PCDHGA7: variants seen among roughly 807,000 people sequenced by gnomAD.
PCDHGA7 encodes protocadherin gamma-A7.
A neutral mutation model predicts 58.3 loss-of-function variants in PCDHGA7; 44 were observed. The ratio of observed to expected loss-of-function variants is 0.75; its 90% CI spans 0.59 to 0.97. The LOEUF (loss-of-function observed/expected upper bound fraction) is 0.97, where lower values mean the gene tolerates loss of function less well. PCDHGA7 is among the 50% of genes least tolerant of loss of function. The probability of loss-of-function intolerance (pLI) is 0.00; values close to 1 mark genes in which losing one functional copy is unlikely to be tolerated. For synonymous variants in PCDHGA7, 516 were observed against 504.2 expected, an observed-to-expected ratio of 1.02 and a Z score of -0.31; for missense variants, 1,266 against 1,188.7, an observed-to-expected ratio of 1.06 and a Z score of -0.96.
chr5:141,478,137 G>A (rs762316494), intron 1 of PCDHGA7: 13 of 1,613,872 alleles, frequency 8.1e-6, no homozygotes, highest in African/African-American at 8.0e-5. Context: ...CCTGAAGCCC[G>A]AGCCGAGTTC....
rs1779137475 is a variant in PCDHGA7 at position 141,383,445 on chromosome 5, G to T, written c.546G>T (p.Val182=). 6.2e-7 allele frequency: 1 copy of T among 1,613,958 alleles called. No individual in the cohort carries two copies. Among genetic ancestry groups the T allele is most frequent in the East Asian group, 2.2e-5 (1 of 44,880 alleles). ...LSPNRHFSLA[V]QSGDDETKYP... is the part of the protein sequence containing the mutation. ...CCAATCGCCACTTCTCCCTGGCTGTGCAAAGTGGAGACGATGAAACTAAGT... is the reference window on the plus strand; with the variant it reads ...CCAATCGCCACTTCTCCCTGGCTGTTCAAAGTGGAGACGATGAAACTAAGT... Residue 182 remains valine, a synonymous_variant, in exon 1 of 4, where the codon GTG becomes GTT. Coordinates refer to ENST00000518325, the MANE Select transcript of PCDHGA7 (RefSeq NM_018920.4).
chr5:141,432,615 T>G lies in PCDHGA7; in HGVS notation c.2424+47292T>G. ...GCCAGCGAGCCGGGACTCTTCTCGG[T>G]GGGTCTGCACACGGGCGAGGTGCGC... On this transcript the variant is annotated intron_variant, in intron 1 of 3. Coordinates refer to ENST00000518325, the MANE Select transcript of PCDHGA7 (RefSeq NM_018920.4). The surrounding 1 kb of genome is among the most constrained non-coding windows in gnomAD (Gnocchi z 6.0). The G allele has an allele frequency of 2.5e-6, 4 of 1,613,820 alleles. No homozygotes were observed. The highest frequency in any genetic ancestry group is 1.1e-5 in the South Asian group (1 of 91,054).
chr5:141,510,633 TACCA>T (rs2099882032), intron 3 of PCDHGA7, among the ~76,000 whole-genome samples: 1 of 152,110 alleles, frequency 6.6e-6, no homozygotes, highest in Admixed American at 6.6e-5. Flanking sequence ...AAGAGGTGGT[TACCA>T]TTATCATCCC....
chr5:141,423,757 G>GGC, intron 1 of PCDHGA7: 1 of 395,122 alleles, frequency 2.5e-6, no homozygotes, highest in East Asian at 1.5e-4. Context: ...GTTTGGGGGG[G>GGC]GGGTGGGGCG....
chr5:141,415,772 T>TC, intron 1 of PCDHGA7: 1 of 1,332,986 alleles, frequency 7.5e-7, no homozygotes. Context: ...TTTTTTTTTT[T>TC]ACTTTCTGGT....
intron 1 of PCDHGA7, among the ~76,000 whole-genome samples, chr5:141,470,896 T>C (rs1370454369): frequency 6.6e-6 from 1 of 151,980 alleles, no homozygotes; most frequent in Non-Finnish European, 1.5e-5. Context: ...TTTTGTTTTT[T>C]GTAGAGATGG....
intron 1 of PCDHGA7, chr5:141,424,602 T>G (rs2154550827): frequency 6.6e-6 from 1 of 152,334 alleles, no homozygotes; most frequent in African/African-American, 2.4e-5. Flanking sequence ...GTCTACAGAT[T>G]TATTCAAATA....
rs1317111249 is a variant in PCDHGA7, at chr5:141,413,333, C to A, written c.2424+28010C>A. 3.1e-6 allele frequency: 5 copies of A among 1,613,966 alleles called. No individual in the cohort carries two copies. The Admixed American group carries it at 6.7e-5, about 22-fold the overall frequency. On this transcript the variant is annotated intron_variant, in intron 1 of 3. Coordinates refer to ENST00000518325, the MANE Select transcript of PCDHGA7 (RefSeq NM_018920.4). ...AAAGGCTCTTTCGTGGGCAACATCTCCAAGGACTTGGGTCTGGCGCCCCGG... is the reference window on the plus strand; with the variant it reads ...AAAGGCTCTTTCGTGGGCAACATCTACAAGGACTTGGGTCTGGCGCCCCGG...
chr5:141,489,425 G>T lies in PCDHGA7; in HGVS notation c.2425-5382G>T, dbSNP rs779739693. 6.2e-7 allele frequency: 1 copy of T among 1,614,118 alleles called. No homozygotes were observed. The highest frequency in any genetic ancestry group is 8.5e-7 in the Non-Finnish European group (1 of 1,180,030). The stretch of plus-strand genomic sequence containing the variant: ...TTAAAGATGACAGATCTGTTGAGCC[G>T]GCGGCTGCAATTGGGCTCTGAGGAG... On this transcript the variant is annotated intron_variant, in intron 1 of 3. Transcript: ENST00000518325. This position sits in a 1 kb window ranked among gnomAD's most constrained non-coding sequence, Gnocchi z 4.5.
chr5:141,414,306 T>A lies in PCDHGA7; in HGVS notation c.2424+28983T>A, dbSNP rs778408885. The A allele has an allele frequency of 6.2e-6, 10 of 1,613,584 alleles. No homozygotes were observed. The Admixed American group carries it at 1.2e-4, about 19-fold the overall frequency. Reference sequence around the variant, plus strand: ...TCGTAGCCCTTTTAAATGTGCATGATTTAGACTCTGAGCAGAATGGACAGG... The same window carrying A: ...TCGTAGCCCTTTTAAATGTGCATGAATTAGACTCTGAGCAGAATGGACAGG... On this transcript the variant is annotated intron_variant, in intron 1 of 3. Coordinates refer to ENST00000518325, the MANE Select transcript of PCDHGA7 (RefSeq NM_018920.4).
At chr5:141,398,450 C>T in intron 1 of PCDHGA7, 1 of 1,574,388 alleles carries the variant, frequency 6.4e-7, no homozygotes, top group East Asian at 2.2e-5. Flanking sequence ...GAATTTGAGG[C>T]TGTTGCTGAA....
Position 141,485,550 on chromosome 5 carries a change from TG to T in PCDHGA7, c.2425-9256del. On this transcript the variant is annotated intron_variant, in intron 1 of 3. Coordinates refer to ENST00000518325, the MANE Select transcript of PCDHGA7 (RefSeq NM_018920.4). The surrounding 1 kb of genome is among the most constrained non-coding windows in gnomAD (Gnocchi z 5.7). ...CGAGCAGAGGTAGAGATCGTAGATGTGAATGATCACGCCCCCCGTTTTCCGC... is the reference window on the plus strand; with the variant it reads ...CGAGCAGAGGTAGAGATCGTAGATGTAATGATCACGCCCCCCGTTTTCCGC... The T allele has an allele frequency of 6.2e-7, 1 of 1,613,820 alleles. No individual in the cohort carries two copies.
At chr5:141,423,758 G>GGGC (rs1554116874) in intron 1 of PCDHGA7, 82 of 366,752 alleles carry the variant, frequency 2.2e-4, no homozygotes, top group Middle Eastern at 4.2e-4. Context: ...TTTGGGGGGG[G>GGGC]GGTGGGGCGG....
At chr5:141,427,120 TC>T (rs1212765591) in intron 1 of PCDHGA7, 1 of 457,342 alleles carries the variant, frequency 2.2e-6, no homozygotes, top group African/African-American at 2.0e-5. Context: ...ACCTACTCTT[TC>T]AAATCCCTAC....
chr5:141,393,019 G>A (rs1415257415), intron 1 of PCDHGA7: 1 of 1,613,746 alleles, frequency 6.2e-7, no homozygotes, highest in African/African-American at 1.3e-5. Flanking sequence ...ATCGTCTCCA[G>A]AGGTAGGACG....
In PCDHGA7 at chr5:141,485,669, T is replaced by G. The variant is rs754363407; in HGVS notation, c.2425-9138T>G. ...TCAGGATGCAGATGTGGGGAGCAATTCGATTAGCAGCTATAGGCTGAGCTC... is the reference window on the plus strand; with the variant it reads ...TCAGGATGCAGATGTGGGGAGCAATGCGATTAGCAGCTATAGGCTGAGCTC... On this transcript the variant is annotated intron_variant, in intron 1 of 3. Transcript: ENST00000518325. The surrounding 1 kb of genome is among the most constrained non-coding windows in gnomAD (Gnocchi z 5.7). 1.9e-6 allele frequency: 3 copies of G among 1,612,788 alleles called. 1 individual carries two copies. Among genetic ancestry groups the G allele is most frequent in the Admixed American group, 1.7e-5 (1 of 59,980 alleles).
At chr5:141,468,330 C>CAAAAA (rs533390277) in intron 1 of PCDHGA7, 4 of 79,848 alleles carry the variant, frequency 5.0e-5, no homozygotes, top group African/African-American at 7.8e-5. Context: ...AACTCCATCT[C>CAAAAA]AAAAAAAAAA....
At chr5:141,441,709 C>T in intron 1 of PCDHGA7, 1 of 321,306 alleles carries the variant, frequency 3.1e-6, no homozygotes, top group Non-Finnish European at 6.1e-6. Flanking sequence ...TTCAAGCTCA[C>T]GCTGCAGGCC....
chr5:141,425,217 T>G (rs565640413), intron 1 of PCDHGA7, among the ~76,000 whole-genome samples: 51 of 152,294 alleles, frequency 3.3e-4, no homozygotes, highest in Middle Eastern at 3.4e-3. Flanking sequence ...GCATTGTACT[T>G]TGACTGGAAT....
Sources: gnomAD v4.1 joint callset for allele counts (sites outside exome capture counted in the v4.1 genomes callset) on GRCh38, gnomAD v4.1.1 for gene constraint, Gnocchi (gnomAD v3.1) non-coding constraint, MANE v1.5 for transcripts, NCBI Gene and HGNC (gene_info 2026-07-23, HGNC 2026-07-21) for gene names.